PRELID2: variants seen among roughly 807,000 people sequenced by gnomAD.
The protein encoded by PRELID2 is PRELI domain containing 2.
Under a neutral mutation model 28.4 loss-of-function variants are expected in PRELID2, and 25 were observed. The ratio of observed to expected loss-of-function variants is 0.88; its 90% CI spans 0.64 to 1.23. PRELID2 has a LOEUF of 1.23. Among genes scored for constraint, PRELID2 ranks in the 50% most tolerant of loss-of-function variants. The pLI, the probability that PRELID2 is intolerant of heterozygous loss-of-function variation, is 0.00. For missense variants in PRELID2, 201 were observed against 214.4 expected, an observed-to-expected ratio of 0.94 and a Z score of 0.39; for synonymous variants, 76 against 71.6, an observed-to-expected ratio of 1.06 and a Z score of -0.31.
intron 1 of PRELID2, among the ~76,000 whole-genome samples, chr5:145,512,680 T>C (rs1752471817): frequency 6.6e-6 from 1 of 152,134 alleles, no homozygotes; most frequent in African/African-American, 2.4e-5. Flanking sequence ...ACCCCATGCC[T>C]CCTGTCTGAG....
At chr5:145,537,693 A>G (rs1580971291) in intron 1 of PRELID2, among the ~76,000 whole-genome samples, 1 of 151,014 alleles carries the variant, frequency 6.6e-6, no homozygotes, top group East Asian at 2.0e-4. Flanking sequence ...GTTTTGTTTT[A>G]CTGTTGAGTT....
At chr5:145,518,407 C>T (rs1752537599) in intron 1 of PRELID2, among the ~76,000 whole-genome samples, 6 of 152,040 alleles carry the variant, frequency 3.9e-5, no homozygotes, top group Admixed American at 2.6e-4. Flanking sequence ...ACCATATTGG[C>T]CAGGCTGGTC....
At chr5:145,791,023 T>C (rs897886239) in intron 5 of PRELID2, among the ~76,000 whole-genome samples, 1 of 151,894 alleles carries the variant, frequency 6.6e-6, no homozygotes, top group African/African-American at 2.4e-5. Flanking sequence ...CACCAATGGA[T>C]GATGTCTGTT....
At chr5:145,744,296 G>T (rs1457032885) in intron 1 of PRELID2, among the ~76,000 whole-genome samples, 1 of 152,168 alleles carries the variant, frequency 6.6e-6, no homozygotes, top group Non-Finnish European at 1.5e-5. Flanking sequence ...GAGGAATCTG[G>T]GCAGACCAGA....
intron 1 of PRELID2, among the ~76,000 whole-genome samples, chr5:145,608,620 A>G (rs1439559178): frequency 3.3e-5 from 5 of 152,180 alleles, no homozygotes; most frequent in Admixed American, 3.3e-4. Context: ...TGTTAGCCTG[A>G]TGAGATTCCC....
At chr5:145,820,950 C>T (rs1275983668) in intron 2 of PRELID2, among the ~76,000 whole-genome samples, 1 of 152,038 alleles carries the variant, frequency 6.6e-6, no homozygotes, top group African/African-American at 2.4e-5. Context: ...TGGGGTTTTA[C>T]GCACGTTGGC....
At chr5:145,691,243 T>C (rs1755143252) in intron 1 of PRELID2, among the ~76,000 whole-genome samples, 3 of 152,178 alleles carry the variant, frequency 2.0e-5, no homozygotes, top group South Asian at 4.1e-4. Context: ...AAATATTTAC[T>C]ACCAACTAGA....
At chr5:145,462,879 A>C in the PRELID2 span, among the ~76,000 whole-genome samples, 1 of 152,330 alleles carries the variant, frequency 6.6e-6, no homozygotes, top group Non-Finnish European at 1.5e-5. Flanking sequence ...AGGTTACTAG[A>C]TTATCCCTTA....
At chr5:145,680,995 C>G (rs530264302) in intron 1 of PRELID2, among the ~76,000 whole-genome samples, 1 of 152,208 alleles carries the variant, frequency 6.6e-6, no homozygotes. Context: ...CACACCCTCA[C>G]GACCATGGCA....
the PRELID2 span, among the ~76,000 whole-genome samples, chr5:145,447,916 A>G: frequency 1.3e-5 from 2 of 151,378 alleles, no homozygotes; most frequent in Non-Finnish European, 2.9e-5. Flanking sequence ...ATTGTGAATA[A>G]TGCCACAATA....
intron 1 of PRELID2, among the ~76,000 whole-genome samples, chr5:145,539,629 T>C (rs1203583843): frequency 1.3e-5 from 2 of 151,912 alleles, no homozygotes; most frequent in African/African-American, 4.8e-5. Context: ...AAATACATTA[T>C]AAAAATTAAA....
In PRELID2 at chr5:145,829,865, C is replaced by T. The variant is rs149918716; in HGVS notation, c.75+5312G>A. On this transcript the variant is annotated intron_variant, in intron 1 of 6. Transcript: ENST00000683046. ...GAAACATTATTAATTACCCAATCAA[C>T]TTTCTACTCTAAATGGAAATAGCCC... Among the ~76,000 whole-genome samples the T allele has an allele frequency of 3.9e-3, 591 of 152,310 alleles. 2 individuals are homozygous for T. The highest frequency in any genetic ancestry group is 0.013 in the African/African-American group (545 of 41,562).
intron 5 of PRELID2, among the ~76,000 whole-genome samples, chr5:145,776,892 T>C (rs1758443605): frequency 6.6e-6 from 1 of 152,244 alleles, no homozygotes; most frequent in Admixed American, 6.5e-5. Flanking sequence ...AAATCTACCA[T>C]CTGTCTTTAA....
chr5:145,291,310 C>A, the PRELID2 span, among the ~76,000 whole-genome samples: 1 of 135,494 alleles, frequency 7.4e-6, no homozygotes, highest in East Asian at 2.2e-4. Flanking sequence ...GCACTCCAGC[C>A]TGGCAACAGA....
chr5:145,589,584 T>C (rs956035896), intron 1 of PRELID2, among the ~76,000 whole-genome samples: 1 of 152,192 alleles, frequency 6.6e-6, no homozygotes. Context: ...AGAAGGTTTT[T>C]GCATTTATTC....
chr5:145,511,717 G>A (rs1359705671), intron 1 of PRELID2, among the ~76,000 whole-genome samples: 1 of 152,228 alleles, frequency 6.6e-6, no homozygotes, highest in African/African-American at 2.4e-5. Context: ...GACAATGCCA[G>A]CATCTCTGTA....
chr5:145,229,661 C>A, the PRELID2 span: 1 of 809,376 alleles, frequency 1.2e-6, no homozygotes, highest in Non-Finnish European at 2.2e-6. Flanking sequence ...AAGGTATCTA[C>A]CAGACCCCAG....
chr5:145,427,831 T>C, the PRELID2 span, among the ~76,000 whole-genome samples: 1 of 152,130 alleles, frequency 6.6e-6, no homozygotes, highest in Admixed American at 6.5e-5. Flanking sequence ...ACGATATTAA[T>C]TATGAGAAGA....
intron 1 of PRELID2, among the ~76,000 whole-genome samples, chr5:145,737,519 A>T (rs1756530447): frequency 6.6e-6 from 1 of 152,152 alleles, no homozygotes; most frequent in South Asian, 2.1e-4. Flanking sequence ...ACACTGCTGT[A>T]AGTTCCTTGA....
Sources: gnomAD v4.1 joint callset for allele counts (sites outside exome capture counted in the v4.1 genomes callset) on GRCh38, gnomAD v4.1.1 for gene constraint, MANE v1.5 for transcripts, NCBI Gene and HGNC (gene_info 2026-07-23, HGNC 2026-07-21) for gene names.